GRM1: variants seen among roughly 807,000 people sequenced by gnomAD.
GRM1 encodes the protein glutamate metabotropic receptor 1.
GRM1 carries 33 observed loss-of-function variants against 90.9 expected under a neutral mutation model. The observed-to-expected ratio is 0.36, with a 90% CI of 0.28 to 0.49. The LOEUF is 0.49. Ranked by LOEUF, GRM1 falls within the 20% of genes least tolerant of loss-of-function variation. GRM1 has a pLI of 0.99. For missense variants in GRM1, 1,190 were observed against 1,534.3 expected, an observed-to-expected ratio of 0.78 and a Z score of 3.75; for synonymous variants, 700 against 613.2, an observed-to-expected ratio of 1.14 and a Z score of -2.09.
chr6:146,115,243 CACACAT>C (rs1375938847), intron 1 of GRM1, among the ~76,000 whole-genome samples: 3 of 147,998 alleles, frequency 2.0e-5, no homozygotes, highest in Non-Finnish European at 4.5e-5. Context: ...CACACACACA[CACACAT>C]ATATATACAT....
At chr6:146,188,261 A>T (rs1013503500) in intron 2 of GRM1, among the ~76,000 whole-genome samples, 12 of 152,090 alleles carry the variant, frequency 7.9e-5, no homozygotes, top group Non-Finnish European at 1.3e-4. Flanking sequence ...TTCTGTCTAC[A>T]CATCTTTTTT....
At chr6:146,122,549 C>T (rs915345515) in intron 1 of GRM1, among the ~76,000 whole-genome samples, 3 of 152,104 alleles carry the variant, frequency 2.0e-5, no homozygotes, top group Non-Finnish European at 4.4e-5. Context: ...GTTCTCTCCT[C>T]TGTGACTGCT....
At chr6:146,357,391 G>C (rs1785626514) in intron 4 of GRM1, 135 bp from the exon 5 acceptor site, 1 of 717,466 alleles carries the variant, frequency 1.4e-6, no homozygotes. Context: ...TAAGAAATAA[G>C]CTAAAATATT....
intron 1 of GRM1, among the ~76,000 whole-genome samples, chr6:146,061,532 C>T (rs1189683768): frequency 2.6e-5 from 4 of 152,028 alleles, no homozygotes; most frequent in African/African-American, 9.7e-5. Context: ...AAACAGGTGA[C>T]CTACAGAATG....
intron 2 of GRM1, among the ~76,000 whole-genome samples, chr6:146,292,027 A>G (rs1783004375): frequency 6.6e-6 from 1 of 152,040 alleles, no homozygotes; most frequent in Admixed American, 6.5e-5. Context: ...AATTATTTTC[A>G]GTGAAGAAGC....
At chr6:146,101,249 C>T (rs527271931) in intron 1 of GRM1, among the ~76,000 whole-genome samples, 1 of 151,818 alleles carries the variant, frequency 6.6e-6, no homozygotes, top group Non-Finnish European at 1.5e-5. Flanking sequence ...GGACTTTTAC[C>T]GAGTCACCTG....
At chr6:146,358,784 A>G (rs1271433163) in intron 5 of GRM1, among the ~76,000 whole-genome samples, 1 of 152,232 alleles carries the variant, frequency 6.6e-6, no homozygotes, top group Non-Finnish European at 1.5e-5. Flanking sequence ...AGCTTTTGGC[A>G]GCTGAGAAGA....
intron 2 of GRM1, among the ~76,000 whole-genome samples, chr6:146,263,451 A>G (rs938950060): frequency 1.3e-5 from 2 of 152,022 alleles, no homozygotes; most frequent in Non-Finnish European, 2.9e-5. Context: ...TAGGTAATTT[A>G]TATGTTATTC....
intron 2 of GRM1, among the ~76,000 whole-genome samples, chr6:146,205,312 G>T (rs1440353882): frequency 1.3e-5 from 2 of 152,022 alleles, no homozygotes; most frequent in African/African-American, 2.4e-5. Context: ...TATTTTAAAA[G>T]ATAATGTTCA....
At chr6:146,053,287 T>C (rs1045494325) in intron 1 of GRM1, among the ~76,000 whole-genome samples, 1 of 152,226 alleles carries the variant, frequency 6.6e-6, no homozygotes, top group East Asian at 1.9e-4. Context: ...TTGTACAAGG[T>C]TTTGCCCAAC....
At chr6:146,291,152 T>C (rs986961683) in intron 2 of GRM1, among the ~76,000 whole-genome samples, 1 of 152,082 alleles carries the variant, frequency 6.6e-6, no homozygotes, top group Non-Finnish European at 1.5e-5. Context: ...TTAGTTGGTT[T>C]CTTTTTGTTT....
At chr6:146,414,552 G>A (rs903052828) in intron 7 of GRM1, among the ~76,000 whole-genome samples, 6 of 151,992 alleles carry the variant, frequency 3.9e-5, no homozygotes, top group East Asian at 1.9e-4. Flanking sequence ...ACAGGCGCCC[G>A]CCACCACGCC....
intron 2 of GRM1, among the ~76,000 whole-genome samples, chr6:146,269,319 C>G (rs1782027724): frequency 1.3e-5 from 2 of 152,280 alleles, no homozygotes; most frequent in South Asian, 4.1e-4. Context: ...TTGCATGTCT[C>G]TAATGTATAT....
intron 2 of GRM1, 94 bp from the exon 3 acceptor site, chr6:146,304,517 C>A: frequency 1.1e-6 from 1 of 906,632 alleles, no homozygotes; most frequent in Non-Finnish European, 1.8e-6. Flanking sequence ...AGTCTGTAGC[C>A]TTTTCTGGAT....
At chr6:146,177,811 A>G (rs533405288) in intron 2 of GRM1, among the ~76,000 whole-genome samples, 2 of 152,262 alleles carry the variant, frequency 1.3e-5, no homozygotes, top group South Asian at 4.1e-4. Flanking sequence ...TCATATAAGC[A>G]CTTGCTCATC....
At chr6:146,177,966 A>G (rs2114533672) in intron 2 of GRM1, among the ~76,000 whole-genome samples, 1 of 152,266 alleles carries the variant, frequency 6.6e-6, no homozygotes, top group South Asian at 2.1e-4. Context: ...AAGTTCCCCT[A>G]TACTCAGCAC....
At chr6:146,119,344 T>C (rs1212894020) in intron 1 of GRM1, among the ~76,000 whole-genome samples, 3 of 152,148 alleles carry the variant, frequency 2.0e-5, no homozygotes, top group African/African-American at 7.2e-5. Context: ...GATATTAGCC[T>C]TTTGTCAGAT....
intron 1 of GRM1, among the ~76,000 whole-genome samples, chr6:146,140,159 C>T (rs1410400051): frequency 1.5e-4 from 15 of 97,844 alleles, no homozygotes; most frequent in Non-Finnish European, 2.2e-4. Context: ...CCTTCTTTCT[C>T]CTTCCTTCCT....
At chr6:146,100,444 CT>C (rs1777012628) in intron 1 of GRM1, among the ~76,000 whole-genome samples, 1 of 152,128 alleles carries the variant, frequency 6.6e-6, no homozygotes, top group Non-Finnish European at 1.5e-5. Flanking sequence ...CCTTTCCACT[CT>C]GGTTTTTAAT....
Sources: allele counts gnomAD v4.1 joint callset (sites outside exome capture counted in the v4.1 genomes callset), GRCh38; gene constraint gnomAD v4.1.1; transcripts MANE v1.5; gene names NCBI Gene and HGNC (gene_info 2026-07-23, HGNC 2026-07-21).